NFIC: variants seen among roughly 807,000 people sequenced by gnomAD.
NFIC encodes the protein nuclear factor 1 C-type.
Under a neutral mutation model 54.4 loss-of-function variants are expected in NFIC, and 12 were observed. The ratio of observed to expected loss-of-function variants is 0.22; its 90% CI spans 0.14 to 0.36. The LOEUF is 0.36. NFIC is among the 10% of genes least tolerant of loss of function. The pLI is 1.00. For synonymous variants in NFIC, 322 were observed against 319.2 expected (o/e 1.01, Z -0.09); for missense variants, 575 against 718.2 (o/e 0.80, Z 2.28).
Position 3,464,846 on chromosome 19 carries a change from C to A in NFIC, c.*2077C>A. The stretch of plus-strand genomic sequence containing the variant: ...CGCTCCCCCGGTGGCCCTTGGGGAT[C>A]AAAGCGTGGGCCGCTCTCCGGGAGG... On this transcript the variant is annotated 3_prime_UTR_variant, in exon 11 of 11. Transcript: ENST00000443272. 14 of 316,342 alleles carry A rather than the reference C, an allele frequency of 4.4e-5. No individual in the cohort carries two copies. The highest frequency in any genetic ancestry group is 3.8e-4 in the South Asian group (3 of 7,986). 19.6% of individuals were successfully genotyped at this position (316,342 alleles called of 1,614,324 possible).
At chr19:3,433,325 AG>A (rs2082150409) in intron 3 of NFIC, among the ~76,000 whole-genome samples, 192 bp from the exon 4 acceptor site, 1 of 152,216 alleles carries the variant, frequency 6.6e-6, no homozygotes, top group East Asian at 1.9e-4. Flanking sequence ...GGCTGTGTGA[AG>A]GCCCACACTG....
At chr19:3,404,278 C>A (rs980297443) in intron 2 of NFIC, among the ~76,000 whole-genome samples, 6 of 152,092 alleles carry the variant, frequency 3.9e-5, no homozygotes, top group Admixed American at 1.3e-4. Context: ...TCCACTCCCC[C>A]CCACCCCGGG....
At chr19:3,430,931 C>CGAAAAAAAAAA (rs2082109898) in intron 3 of NFIC, among the ~76,000 whole-genome samples, 7 of 80,184 alleles carry the variant, frequency 8.7e-5, no homozygotes, top group African/African-American at 3.3e-4. Context: ...GACTCCGTCT[C>CGAAAAAAAAAA]AAAAAAAAAA....
chr19:3,438,883 G>A (rs1473103815), intron 6 of NFIC, among the ~76,000 whole-genome samples: 1 of 152,062 alleles, frequency 6.6e-6, no homozygotes, highest in African/African-American at 2.4e-5. Flanking sequence ...TTTTTATCCA[G>A]GTGACTACAG....
At chr19:3,446,643 G>T (rs1286515591) in intron 6 of NFIC, among the ~76,000 whole-genome samples, 1 of 152,140 alleles carries the variant, frequency 6.6e-6, no homozygotes, top group South Asian at 2.1e-4. Flanking sequence ...GGCTCCCCAG[G>T]GCACGCCTCC....
chr19:3,461,257 C>T (rs933115120), intron 10 of NFIC, among the ~76,000 whole-genome samples: 1 of 78,230 alleles, frequency 1.3e-5, no homozygotes, highest in Admixed American at 1.5e-4. Context: ...CCCACCTCTA[C>T]AAAAAAAAAA....
intron 2 of NFIC, among the ~76,000 whole-genome samples, chr19:3,399,808 T>C (rs954829825): frequency 1.4e-5 from 2 of 147,746 alleles, no homozygotes; most frequent in African/African-American, 5.1e-5. Flanking sequence ...GAGGCGGAGA[T>C]TGTAGTGAGC....
At chr19:3,426,713 C>T (rs913860035) in intron 3 of NFIC, among the ~76,000 whole-genome samples, 2 of 152,146 alleles carry the variant, frequency 1.3e-5, no homozygotes, top group Non-Finnish European at 2.9e-5. Context: ...GTCGTCCACT[C>T]CCAGCCACAC....
intron 2 of NFIC, among the ~76,000 whole-genome samples, chr19:3,423,294 ATCCTC>A (rs1319025987): frequency 6.6e-6 from 1 of 152,174 alleles, no homozygotes; most frequent in African/African-American, 2.4e-5. Context: ...CTTCAGGAGT[ATCCTC>A]TCCTCACTGC....
Position 3,375,824 on chromosome 19 carries a change from G to A in NFIC, c.31-5888G>A, listed in dbSNP as rs2081097626. On this transcript the variant is annotated intron_variant, in intron 1 of 10. Coordinates refer to ENST00000443272, the MANE Select transcript of NFIC (RefSeq NM_001245002.2). This position sits in a 1 kb window ranked among gnomAD's most constrained non-coding sequence, Gnocchi z 4.6. ...CAGGGAGGGTGATCTGGCAGCAGCT[G>A]CTCTGCCCATCCCGGCCTGGAAATG... Among the ~76,000 whole-genome samples, 1 of 152,192 alleles carries A rather than the reference G, an allele frequency of 6.6e-6. No homozygotes were observed. The highest frequency in any genetic ancestry group is 6.5e-5 in the Admixed American group (1 of 15,280).
intron 2 of NFIC, among the ~76,000 whole-genome samples, chr19:3,415,594 C>G (rs2081841212): frequency 6.6e-6 from 1 of 152,104 alleles, no homozygotes; most frequent in South Asian, 2.1e-4. Flanking sequence ...GGATGGGAAC[C>G]CAGATCTGCT....
chr19:3,445,903 A>C (rs1282279320), intron 6 of NFIC, among the ~76,000 whole-genome samples: 2 of 152,100 alleles, frequency 1.3e-5, no homozygotes, highest in East Asian at 3.9e-4. Flanking sequence ...TCAGGGCATC[A>C]CCCGGGGACA....
chr19:3,394,917 G>C (rs1206227117), intron 2 of NFIC, among the ~76,000 whole-genome samples: 2 of 152,052 alleles, frequency 1.3e-5, no homozygotes, highest in African/African-American at 4.8e-5. Flanking sequence ...CCCGTCCCTG[G>C]AAAAATTGTC....
At chr19:3,403,310 C>T (rs1164429835) in intron 2 of NFIC, among the ~76,000 whole-genome samples, 1 of 152,194 alleles carries the variant, frequency 6.6e-6, no homozygotes, top group African/African-American at 2.4e-5. Context: ...ACATTTAAAC[C>T]TCTGGGTTCA....
chr19:3,446,137 A>C (rs963232637), intron 6 of NFIC, among the ~76,000 whole-genome samples: 1 of 152,168 alleles, frequency 6.6e-6, no homozygotes, highest in African/African-American at 2.4e-5. Context: ...ACACCAGAAG[A>C]AGCTCCTGAC....
At chr19:3,366,305 C>T (rs1450873669), upstream of NFIC, among the ~76,000 whole-genome samples, 1 of 136,302 alleles carries the variant, frequency 7.3e-6, no homozygotes, top group Non-Finnish European at 1.6e-5. Context: ...TTTTTTCCCT[C>T]GTTTCTTTGA....
At chr19:3,391,497 A>C (rs945313593) in intron 2 of NFIC, among the ~76,000 whole-genome samples, 1 of 151,916 alleles carries the variant, frequency 6.6e-6, no homozygotes, top group Non-Finnish European at 1.5e-5. Context: ...ATAAAAATAC[A>C]AAAATTAGCC....
At chr19:3,391,796 CA>C (rs201307690) in intron 2 of NFIC, among the ~76,000 whole-genome samples, 1 of 149,168 alleles carries the variant, frequency 6.7e-6, no homozygotes, top group South Asian at 2.1e-4. Flanking sequence ...GACTCCGTTT[CA>C]AAAAAAAATG....
At chr19:3,396,187 C>T (rs968611405) in intron 2 of NFIC, among the ~76,000 whole-genome samples, 2 of 152,098 alleles carry the variant, frequency 1.3e-5, no homozygotes, top group Non-Finnish European at 2.9e-5. Flanking sequence ...GTGTGTGTTT[C>T]CGGGCCGGGC....
Sources: allele counts gnomAD v4.1 joint callset (sites outside exome capture counted in the v4.1 genomes callset), GRCh38; gene constraint gnomAD v4.1.1; non-coding constraint Gnocchi (gnomAD v3.1); transcripts MANE v1.5; gene names NCBI Gene and HGNC (gene_info 2026-07-23, HGNC 2026-07-21).